MACROD2: variants seen among roughly 807,000 people sequenced by gnomAD.
MACROD2 encodes the protein mono-ADP ribosylhydrolase 2, also known as ADP-ribose glycohydrolase MACROD2.
In MACROD2, 36 loss-of-function variants were observed where a neutral mutation model predicts 70.4. That is an observed-to-expected ratio of 0.51 (90% CI 0.39 to 0.68). MACROD2 has a LOEUF of 0.68. Ranked by LOEUF, MACROD2 falls within the 30% of genes least tolerant of loss-of-function variation. The pLI is 0.00. For synonymous variants in MACROD2, 172 were observed against 178.8 expected (o/e 0.96, Z 0.30); for missense variants, 496 against 538.4 (o/e 0.92, Z 0.78).
chr20:15,501,544 A>C (rs2146494327), intron 8 of MACROD2, among the ~76,000 whole-genome samples: 1 of 152,314 alleles, frequency 6.6e-6, no homozygotes, highest in South Asian at 2.1e-4. Context: ...TTTTCTACTT[A>C]ATTCACTTGC....
chr20:15,508,275 A>G (rs2047453693), intron 8 of MACROD2, among the ~76,000 whole-genome samples: 1 of 151,052 alleles, frequency 6.6e-6, no homozygotes, highest in Non-Finnish European at 1.5e-5. Flanking sequence ...ATGCAGAGAG[A>G]ACCTAGAAAA....
chr20:15,160,470 T>C (rs2076340763), intron 5 of MACROD2, among the ~76,000 whole-genome samples: 1 of 152,140 alleles, frequency 6.6e-6, no homozygotes, highest in Non-Finnish European at 1.5e-5. Flanking sequence ...TCTGAAGAAG[T>C]ACTAGTCATA....
intron 8 of MACROD2, among the ~76,000 whole-genome samples, chr20:15,602,673 C>G (rs571001185): frequency 6.6e-6 from 1 of 152,100 alleles, no homozygotes; most frequent in Admixed American, 6.5e-5. Context: ...AAAACAGAAG[C>G]CTCTTGAGGA....
At chr20:14,550,229 C>T (rs1216287782) in intron 4 of MACROD2, among the ~76,000 whole-genome samples, 3 of 151,968 alleles carry the variant, frequency 2.0e-5, no homozygotes, top group African/African-American at 4.8e-5. Flanking sequence ...AGCCCAATTA[C>T]ACCTTTAAGC....
intron 8 of MACROD2, among the ~76,000 whole-genome samples, chr20:15,733,007 G>A (rs2050967350): frequency 6.6e-6 from 1 of 152,002 alleles, no homozygotes; most frequent in South Asian, 2.1e-4. Context: ...ATAGATACAG[G>A]CCTATTCACA....
chr20:15,305,223 TTTTA>T (rs753905306), intron 6 of MACROD2, among the ~76,000 whole-genome samples: 14 of 151,608 alleles, frequency 9.2e-5, no homozygotes, highest in African/African-American at 2.7e-4. Context: ...CAAGAGTTCC[TTTTA>T]TTTGTTTTTT....
At chr20:15,384,632 A>G (rs1253253784) in intron 6 of MACROD2, among the ~76,000 whole-genome samples, 1 of 152,172 alleles carries the variant, frequency 6.6e-6, no homozygotes, top group Admixed American at 6.5e-5. Flanking sequence ...CTCCTACTAT[A>G]TGCCGGGTGT....
chr20:14,614,834 GT>G (rs1983382707), intron 4 of MACROD2, among the ~76,000 whole-genome samples: 1 of 152,092 alleles, frequency 6.6e-6, no homozygotes, highest in African/African-American at 2.4e-5. Context: ...GTTCCAAAGA[GT>G]TTATAATTTA....
intron 8 of MACROD2, among the ~76,000 whole-genome samples, chr20:15,648,318 A>G (rs1325663507): frequency 6.6e-6 from 1 of 152,218 alleles, no homozygotes; most frequent in Non-Finnish European, 1.5e-5. Context: ...TCCAGCCACA[A>G]GCCTTCTTGC....
chr20:14,773,379 C>T (rs1019924402), intron 5 of MACROD2, among the ~76,000 whole-genome samples: 5 of 151,916 alleles, frequency 3.3e-5, no homozygotes, highest in African/African-American at 4.8e-5. Flanking sequence ...ATCTCATTTC[C>T]CCTATTTCCC....
chr20:14,545,143 C>T (rs1428491718), intron 4 of MACROD2, among the ~76,000 whole-genome samples: 1 of 152,102 alleles, frequency 6.6e-6, no homozygotes, highest in East Asian at 1.9e-4. Context: ...AGAAGCCTGT[C>T]TAGGAAAAAA....
At chr20:16,039,846 T>A (rs1601366715) in intron 15 of MACROD2, among the ~76,000 whole-genome samples, 1 of 151,984 alleles carries the variant, frequency 6.6e-6, no homozygotes, top group Non-Finnish European at 1.5e-5. Context: ...ACACAGTGAC[T>A]TTCATCTTGT....
At chr20:14,965,453 C>CT (rs532870999) in intron 5 of MACROD2, among the ~76,000 whole-genome samples, 6,793 of 68,224 alleles carry the variant, frequency 0.1, 963 homozygotes, top group Non-Finnish European at 0.14. Flanking sequence ...ATTTTTTTTT[C>CT]TTTTTTTTTT....
chr20:14,180,058 C>A (rs2081293787), intron 3 of MACROD2, among the ~76,000 whole-genome samples: 1 of 152,106 alleles, frequency 6.6e-6, no homozygotes, highest in African/African-American at 2.4e-5. Flanking sequence ...AACGCTGTAC[C>A]CATTAAACAA....
chr20:15,192,806 C>A (rs2076580636), intron 5 of MACROD2, among the ~76,000 whole-genome samples: 1 of 152,184 alleles, frequency 6.6e-6, no homozygotes, highest in African/African-American at 2.4e-5. Flanking sequence ...TAGGAGAGAA[C>A]TATAGTCAGC....
chr20:15,804,665 C>G (rs535675374), intron 8 of MACROD2, among the ~76,000 whole-genome samples: 1 of 152,232 alleles, frequency 6.6e-6, no homozygotes, highest in South Asian at 2.1e-4. Context: ...ACCCACACAT[C>G]TAGGTTTCAG....
chr20:15,367,030 A>AT (rs35222848), intron 6 of MACROD2, among the ~76,000 whole-genome samples: 38,360 of 137,242 alleles, frequency 0.28, 5,678 homozygotes, highest in Middle Eastern at 0.41. Flanking sequence ...AAAATTACTG[A>AT]TTTTTTTTTT....
At chr20:15,331,179 G>T (rs1190789973) in intron 6 of MACROD2, among the ~76,000 whole-genome samples, 3 of 151,612 alleles carry the variant, frequency 2.0e-5, no homozygotes, top group Non-Finnish European at 4.4e-5. Flanking sequence ...CTTTCCAAGT[G>T]TATTTTCATT....
intron 7 of MACROD2, among the ~76,000 whole-genome samples, chr20:15,453,227 C>CTG (rs2046668132): frequency 1.3e-5 from 2 of 151,754 alleles, no homozygotes; most frequent in Non-Finnish European, 2.9e-5. Context: ...TTCTCTCTCT[C>CTG]TCTCCCTGAG....
Sources: allele counts gnomAD v4.1 joint callset (sites outside exome capture counted in the v4.1 genomes callset), GRCh38; gene constraint gnomAD v4.1.1; transcripts MANE v1.5; gene names NCBI Gene and HGNC (gene_info 2026-07-23, HGNC 2026-07-21).